The following PAX2 variants were observed in gnomAD, a reference collection of about 807,000 sequenced individuals.
The protein encoded by PAX2 is paired box 2, also known as paired box protein Pax-2.
Under a neutral mutation model 41.7 loss-of-function variants are expected in PAX2, and 9 were observed. The ratio of observed to expected loss-of-function variants is 0.22; its 90% CI spans 0.13 to 0.38. The LOEUF (loss-of-function observed/expected upper bound fraction) is 0.38, where lower values mean the gene tolerates loss of function less well. PAX2 is among the 10% of genes least tolerant of loss of function. PAX2 has a pLI of 1.00. For synonymous variants in PAX2, 221 were observed against 212.7 expected, an observed-to-expected ratio of 1.04 and a Z score of -0.34; for missense variants, 418 against 531.6, an observed-to-expected ratio of 0.79 and a Z score of 2.10.
chr10:100,749,373 G>A, intron 1 of PAX2: 1 of 1,067,576 alleles, frequency 9.4e-7, no homozygotes, highest in Non-Finnish European at 1.1e-6. Context: ...CACTAGTCCA[G>A]TCCTCTGCCA....
At chr10:100,744,497 C>T (rs1306651891), upstream of PAX2, among the ~76,000 whole-genome samples, 1 of 152,240 alleles carries the variant, frequency 6.6e-6, no homozygotes, top group Non-Finnish European at 1.5e-5. Context: ...GGAGCTAGTG[C>T]CAGAGAGAGC....
At chr10:100,797,324 C>T (rs181084939) in intron 5 of PAX2, among the ~76,000 whole-genome samples, 24 of 152,362 alleles carry the variant, frequency 1.6e-4, no homozygotes, top group African/African-American at 5.8e-4. Context: ...CTCTCTATCC[C>T]TCAGTTTCCC....
intron 3 of PAX2, among the ~76,000 whole-genome samples, chr10:100,763,163 T>G (rs1845897093): frequency 6.6e-6 from 1 of 152,208 alleles, no homozygotes; most frequent in Non-Finnish European, 1.5e-5. Flanking sequence ...ACTCTTTTCC[T>G]TTTTAGTGTT....
chr10:100,818,633 G>C (rs1848270832), intron 7 of PAX2, among the ~76,000 whole-genome samples: 1 of 152,162 alleles, frequency 6.6e-6, no homozygotes, highest in African/African-American at 2.4e-5. Flanking sequence ...ACCCCTTGAA[G>C]TGATCTATGG....
chr10:100,821,068 T>C (rs554875885), intron 7 of PAX2, among the ~76,000 whole-genome samples: 1 of 152,358 alleles, frequency 6.6e-6, no homozygotes, highest in Non-Finnish European at 1.5e-5. Flanking sequence ...CGATTCTTGC[T>C]TGCACAGATT....
chr10:100,775,697 T>C (rs1846363260), intron 3 of PAX2, among the ~76,000 whole-genome samples: 1 of 152,160 alleles, frequency 6.6e-6, no homozygotes, highest in African/African-American at 2.4e-5. Context: ...CAAGAGCCCA[T>C]CAGCCCTCAA....
At chr10:100,773,485 T>C (rs1487971227) in intron 3 of PAX2, among the ~76,000 whole-genome samples, 1 of 152,162 alleles carries the variant, frequency 6.6e-6, no homozygotes. Flanking sequence ...TATAATATCA[T>C]ACATAACATA....
chr10:100,770,238 G>A (rs950854474), intron 3 of PAX2, among the ~76,000 whole-genome samples: 2 of 152,202 alleles, frequency 1.3e-5, no homozygotes, highest in East Asian at 3.9e-4. Flanking sequence ...ATGGACAGGT[G>A]CAGAGTGGGA....
At chr10:100,819,134 G>T (rs1431222058) in intron 7 of PAX2, among the ~76,000 whole-genome samples, 3 of 151,908 alleles carry the variant, frequency 2.0e-5, no homozygotes, top group Non-Finnish European at 4.4e-5. Flanking sequence ...TGTAATCCCA[G>T]CTACTCGTGA....
At chr10:100,746,353 A>T in intron 1 of PAX2, 50 bp downstream of exon 1, 1 of 1,288,666 alleles carries the variant, frequency 7.8e-7, no homozygotes, top group Non-Finnish European at 1.1e-6. Context: ...CTCCGTCCCA[A>T]CCCTGTCCAG....
At chr10:100,798,766 C>T (rs145607252) in intron 5 of PAX2, among the ~76,000 whole-genome samples, 183 of 152,260 alleles carry the variant, frequency 1.2e-3, no homozygotes, top group African/African-American at 4.2e-3. Context: ...ATCCTCCCTC[C>T]TCTCCCAGTC....
intron 3 of PAX2, among the ~76,000 whole-genome samples, chr10:100,767,651 T>G (rs1433393180): frequency 6.6e-6 from 1 of 152,172 alleles, no homozygotes; most frequent in Admixed American, 6.5e-5. Flanking sequence ...TTAATATTTC[T>G]TCAGGGACTT....
Position 100,748,390 on chromosome 10 carries a change from CT to C in PAX2, c.44-1353del, listed in dbSNP as rs1845288992. ...CTCTCCCAGCAACGCGATCAGAGGT[CT>C]TTCCCCAGGGTTTCACCGAGCTTGC... On this transcript the variant is annotated intron_variant, in intron 1 of 9. Transcript: ENST00000355243. The surrounding 1 kb of genome is among the most constrained non-coding windows in gnomAD (Gnocchi z 5.0). 1.0e-6 allele frequency: 1 copy of C among 980,388 alleles called. No individual in the cohort carries two copies. The highest frequency in any genetic ancestry group is 1.2e-6 in the Non-Finnish European group (1 of 829,676). The allele number at this position is 980,388 out of a possible 1,614,324, so 60.7% of individuals were successfully genotyped here. A position where few individuals can be genotyped will look rare whatever the true frequency, so the allele number is the denominator to read the frequency against.
At chr10:100,742,769 G>T (rs1038960753), upstream of PAX2, among the ~76,000 whole-genome samples, 1 of 151,114 alleles carries the variant, frequency 6.6e-6, no homozygotes, top group Non-Finnish European at 1.5e-5. Flanking sequence ...CTGACAGGTC[G>T]GAGCCCGGGT....
intron 3 of PAX2, among the ~76,000 whole-genome samples, chr10:100,775,094 G>A (rs563975883): frequency 6.6e-6 from 1 of 152,246 alleles, no homozygotes; most frequent in South Asian, 2.1e-4. Context: ...CTTCTGAGCA[G>A]AGCTGTGTCC....
Position 100,750,784 on chromosome 10 carries a change from A to C in PAX2, c.303A>C (p.Glu101Asp). Reference sequence around the variant, plus strand: ...CCAAAGTGGTGGACAAGATTGCTGAATACAAACGACAGAACCCGACTATGT... The same window carrying C: ...CCAAAGTGGTGGACAAGATTGCTGACTACAAACGACAGAACCCGACTATGT... ...ATPKVVDKIAEYKRQNPTMFA... is the reference protein window; with the variant it reads ...ATPKVVDKIADYKRQNPTMFA... The change falls in exon 3 of 10, where the codon GAA (glutamate) becomes GAC (aspartate). Residue 101 changes from glutamate to aspartate, a missense_variant. Glu to Asp is a conservative substitution (Grantham distance 45). This residue lies in a region of PAX2 where 108 missense variants were observed against 206.3 expected (regional missense o/e 0.52). Coordinates refer to ENST00000355243, the MANE Select transcript of PAX2 (RefSeq NM_000278.5). The surrounding 1 kb of genome is among the most constrained non-coding windows in gnomAD (Gnocchi z 4.1). The C allele has an allele frequency of 6.2e-7, 1 of 1,614,212 alleles. No homozygotes were observed. Among genetic ancestry groups the C allele is most frequent in the East Asian group, 2.2e-5 (1 of 44,878 alleles).
intron 1 of PAX2, chr10:100,735,740 G>A: frequency 9.6e-7 from 1 of 1,042,216 alleles, no homozygotes; most frequent in Non-Finnish European, 1.2e-6. Context: ...GCAGGTAAGA[G>A]CGGCAGAGAC....
At chr10:100,742,578 G>T (rs1160084145), upstream of PAX2, among the ~76,000 whole-genome samples, 1 of 152,202 alleles carries the variant, frequency 6.6e-6, no homozygotes, top group Non-Finnish European at 1.5e-5. Context: ...GGCTAATGAA[G>T]CAAATCCCGA....
chr10:100,736,589 G>A (rs1236261013), intron 1 of PAX2, among the ~76,000 whole-genome samples: 1 of 151,790 alleles, frequency 6.6e-6, no homozygotes, highest in Non-Finnish European at 1.5e-5. Flanking sequence ...CTCATTCCTT[G>A]CTCCCCCCTC....
Sources: gnomAD v4.1 joint callset for allele counts (sites outside exome capture counted in the v4.1 genomes callset) on GRCh38, gnomAD v4.1.1 for gene constraint, gnomAD v4.1.1 regional missense constraint, Gnocchi (gnomAD v3.1) non-coding constraint, MANE v1.5 for transcripts, NCBI Gene and HGNC (gene_info 2026-07-23, HGNC 2026-07-21) for gene names.